The following THADA variants were observed in gnomAD, a reference collection of about 807,000 sequenced individuals.
The protein encoded by THADA is tRNA (32-2'-O)-methyltransferase regulator THADA.
THADA carries 213 observed loss-of-function variants against 219.8 expected under a neutral mutation model. The ratio of observed to expected loss-of-function variants is 0.97; its 90% CI spans 0.87 to 1.09. THADA has a LOEUF of 1.09. Among genes scored for constraint, THADA ranks in the 50% least tolerant of loss-of-function variants. The pLI, the probability that THADA is intolerant of heterozygous loss-of-function variation, is 0.00. For synonymous variants in THADA, 1,018 were observed against 828.9 expected (o/e 1.23, Z -3.92); for missense variants, 2,956 against 2,311.3 (o/e 1.28, Z -5.72).
At chr2:43,545,556 C>T (rs1357028636) in intron 20 of THADA, among the ~76,000 whole-genome samples, 12 of 152,212 alleles carry the variant, frequency 7.9e-5, no homozygotes, top group Admixed American at 2.6e-4. Context: ...TCAGAGCCTG[C>T]TATTGGTCTA....
intron 8 of THADA, among the ~76,000 whole-genome samples, chr2:43,579,101 A>G (rs1700148113): frequency 6.6e-6 from 1 of 152,194 alleles, no homozygotes; most frequent in South Asian, 2.1e-4. Context: ...AAGTGTTGGG[A>G]TTACAGGCAT....
rs869167502 is a variant in THADA, at chr2:43,400,476, T to TAA, written c.4059-2339_4059-2338dup. On this transcript the variant is annotated intron_variant, in intron 28 of 37. Transcript: ENST00000405975. ...ACAAATTTATATATATATATATATA[T>TAA]AAATATATACACTAAGAAAAAAAAT... Among the ~76,000 whole-genome samples, 8 of 144,448 alleles carry TAA rather than the reference T, an allele frequency of 5.5e-5. 1 individual carries two copies. Among genetic ancestry groups the TAA allele is most frequent in the African/African-American group, 1.8e-4 (7 of 39,362 alleles). 94.8% of individuals were successfully genotyped at this position (144,448 alleles called of 152,430 possible).
chr2:43,278,340 T>G (rs1006392085), intron 36 of THADA, among the ~76,000 whole-genome samples: 1 of 152,172 alleles, frequency 6.6e-6, no homozygotes, highest in Non-Finnish European at 1.5e-5. Context: ...CTCAGCTACT[T>G]TTCAGTCTAA....
At chr2:43,389,621 C>T (rs976630529) in intron 29 of THADA, among the ~76,000 whole-genome samples, 3 of 152,224 alleles carry the variant, frequency 2.0e-5, no homozygotes, top group Non-Finnish European at 4.4e-5. Flanking sequence ...TGCTGACCTG[C>T]ACCCACCCTG....
Position 43,574,871 on chromosome 2 carries a change from G to C in THADA, c.1194C>G (p.Thr398=), listed in dbSNP as rs1046892545. The change falls in exon 11 of 38, where the codon ACC becomes ACG. Residue 398 remains threonine (T), a synonymous_variant. Transcript: ENST00000405975. ...IVGRLLEYVY[T]HWEHPLDALR... ...GAGCATCCAATGGATGTTCCCAATGGGTATAGACATATTCCAAAAGTCTCC... is the reference window on the plus strand; with the variant it reads ...GAGCATCCAATGGATGTTCCCAATGCGTATAGACATATTCCAAAAGTCTCC... 1 of 1,613,812 alleles carries C rather than the reference G, an allele frequency of 6.2e-7. No individual in the cohort carries two copies. The highest frequency in any genetic ancestry group is 1.3e-5 in the African/African-American group (1 of 74,878).
At chr2:43,395,696 T>C (rs867671857) in intron 29 of THADA, among the ~76,000 whole-genome samples, 6 of 152,264 alleles carry the variant, frequency 3.9e-5, no homozygotes, top group African/African-American at 1.2e-4. Flanking sequence ...TATCATTATA[T>C]TGATAACTAA....
chr2:43,235,761 G>A (rs1056216520), intron 36 of THADA, among the ~76,000 whole-genome samples: 101 of 152,080 alleles, frequency 6.6e-4, no homozygotes, highest in African/African-American at 2.2e-3. Flanking sequence ...AGGAAGGCTA[G>A]GCTGCTGCAC....
chr2:43,435,612 G>A (rs1679988563), intron 26 of THADA, among the ~76,000 whole-genome samples: 1 of 151,564 alleles, frequency 6.6e-6, no homozygotes, highest in Non-Finnish European at 1.5e-5. Flanking sequence ...GTGAAATCCT[G>A]TCTGTACTAA....
At chr2:43,581,687 A>C in intron 8 of THADA, 54 bp downstream of exon 8, 1 of 1,482,400 alleles carries the variant, frequency 6.7e-7, no homozygotes. Context: ...GCTGATTGAC[A>C]CTCAATTTTA....
chr2:43,255,448 C>A (rs900720224), intron 36 of THADA, among the ~76,000 whole-genome samples: 3 of 152,160 alleles, frequency 2.0e-5, no homozygotes, highest in Non-Finnish European at 4.4e-5. Flanking sequence ...TGCCTTCTTT[C>A]CCTGACATGA....
chr2:43,232,474 G>C (rs1332093009), intron 37 of THADA, among the ~76,000 whole-genome samples: 1 of 151,908 alleles, frequency 6.6e-6, no homozygotes, highest in Non-Finnish European at 1.5e-5. Flanking sequence ...CGCTGTGCCC[G>C]GCCAGGGGCT....
chr2:43,566,083 G>C (rs1873558), intron 15 of THADA: 55,601 of 176,464 alleles, frequency 0.32, 9,334 homozygotes, highest in African/African-American at 0.4. Flanking sequence ...GCTAGACTCT[G>C]TCTCAAAATA....
intron 29 of THADA, among the ~76,000 whole-genome samples, chr2:43,348,861 T>C (rs1450625784): frequency 1.3e-5 from 2 of 152,290 alleles, no homozygotes; most frequent in East Asian, 3.9e-4. Flanking sequence ...AAAGAATTCT[T>C]CAGGGACAAA....
intron 26 of THADA, among the ~76,000 whole-genome samples, chr2:43,451,658 TC>T (rs1369088819): frequency 1.3e-5 from 2 of 152,220 alleles, no homozygotes; most frequent in African/African-American, 4.8e-5. Context: ...CCATAGGGGT[TC>T]CATGTTAATC....
At chr2:43,550,697 C>T (rs1211904868) in intron 19 of THADA, among the ~76,000 whole-genome samples, 1 of 152,068 alleles carries the variant, frequency 6.6e-6, no homozygotes, top group East Asian at 1.9e-4. Context: ...TAGGATCTAC[C>T]CACAGTAGGT....
intron 31 of THADA, among the ~76,000 whole-genome samples, chr2:43,316,676 C>T (rs1189207577): frequency 1.3e-5 from 2 of 152,096 alleles, no homozygotes; most frequent in Non-Finnish European, 2.9e-5. Flanking sequence ...ATCTGTAATC[C>T]CAGCACTTAG....
chr2:43,508,531 G>A, intron 23 of THADA, 117 bp downstream of exon 23: 1 of 1,028,682 alleles, frequency 9.7e-7, no homozygotes, highest in Admixed American at 3.0e-5. Context: ...CTATGGTGCT[G>A]AAAAGACAGA....
chr2:43,572,780 G>A, intron 12 of THADA, 34 bp downstream of exon 12: 2 of 1,594,524 alleles, frequency 1.3e-6, no homozygotes, highest in Non-Finnish European at 1.7e-6. Flanking sequence ...GGGATCTACT[G>A]CATGTACAAA....
At chr2:43,300,688 A>G (rs1373963984) in intron 31 of THADA, among the ~76,000 whole-genome samples, 1 of 152,202 alleles carries the variant, frequency 6.6e-6, no homozygotes, top group Non-Finnish European at 1.5e-5. Flanking sequence ...AGTTTGCTGA[A>G]TTAATGTGTC....
Sources: gnomAD v4.1 joint callset for allele counts (sites outside exome capture counted in the v4.1 genomes callset) on GRCh38, gnomAD v4.1.1 for gene constraint, MANE v1.5 for transcripts, NCBI Gene and HGNC (gene_info 2026-07-23, HGNC 2026-07-21) for gene names.